UTP6: variants seen among roughly 807,000 people sequenced by gnomAD.
The protein encoded by UTP6 is UTP6 small subunit processome component.
Under a neutral mutation model 96.5 loss-of-function variants are expected in UTP6, and 60 were observed. The observed-to-expected ratio is 0.62, with a 90% CI of 0.51 to 0.77. The LOEUF is 0.77. UTP6 is among the 30% of genes least tolerant of loss of function. The pLI is 0.00. For synonymous variants in UTP6, 215 were observed against 240.1 expected, an observed-to-expected ratio of 0.90 and a Z score of 0.96; for missense variants, 637 against 706.5, an observed-to-expected ratio of 0.90 and a Z score of 1.12.
intron 2 of UTP6, among the ~76,000 whole-genome samples, chr17:31,897,060 G>A (rs1362599127): frequency 6.6e-6 from 1 of 151,770 alleles, no homozygotes; most frequent in African/African-American, 2.4e-5. Context: ...GGCAAGGCAG[G>A]AGGATCACTT....
chr17:31,875,245 GGT>G lies in UTP6; in HGVS notation c.1292_1293del (p.His431ProfsTer18), dbSNP rs868218502. 3.1e-6 allele frequency: 5 copies of G among 1,613,872 alleles called. No homozygotes were observed. Among genetic ancestry groups the G allele is most frequent in the Non-Finnish European group, 3.4e-6 (4 of 1,179,998 alleles). ...TCCAGCTCACTGACCTGGGGTTTCA[GGT>G]GCACAAAGGCTTCTTCAAAAAGCAT... ...IAMLFEEAFVHLKPQVCLPLW... is the reference protein window; with the variant it reads ...IAMLFEEAFVXLKPQVCLPLW... On this transcript the variant is annotated frameshift_variant, in exon 14 of 19. Transcript: ENST00000261708. LOFTEE classifies it high-confidence loss of function.
In UTP6 at chr17:31,880,688, A is replaced by G. The variant is rs1910779024; in HGVS notation, c.852T>C (p.Ile284=). ...WDYVARRELE[I]ESQTEEQPTT... ...TAGGCTGCTCTTCTGTCTGTGACTC[A>G]ATCTCTAATTCTCGCCTTGCCACAT... Residue 284 remains isoleucine, a synonymous_variant, in exon 11 of 19, where the codon ATT becomes ATC. Transcript: ENST00000261708. 2 of 1,614,096 alleles carry G rather than the reference A, an allele frequency of 1.2e-6. No individual in the cohort carries two copies. Among genetic ancestry groups the G allele is most frequent in the East Asian group, 2.2e-5 (1 of 44,870 alleles).
intron 2 of UTP6, among the ~76,000 whole-genome samples, chr17:31,897,743 C>T (rs565771810): frequency 6.6e-6 from 1 of 152,248 alleles, no homozygotes; most frequent in East Asian, 1.9e-4. Context: ...CCACCATGCC[C>T]AACCAAAACT....
At chr17:31,872,151 T>C (rs1001867484) in intron 16 of UTP6, among the ~76,000 whole-genome samples, 3 of 148,900 alleles carry the variant, frequency 2.0e-5, no homozygotes, top group African/African-American at 7.4e-5. Flanking sequence ...GCCGAGACTG[T>C]ACCACTGCAC....
intron 11 of UTP6, 41 bp downstream of exon 11, chr17:31,880,532 A>C (rs767124145): frequency 4.5e-5 from 72 of 1,592,898 alleles, no homozygotes; most frequent in Non-Finnish European, 5.6e-5. Flanking sequence ...AATCAGGGAT[A>C]CTATTCCTTC....
chr17:31,864,604 C>A (rs573701270), intron 18 of UTP6, among the ~76,000 whole-genome samples: 1 of 152,230 alleles, frequency 6.6e-6, no homozygotes, highest in African/African-American at 2.4e-5. Flanking sequence ...GCAAATCTTT[C>A]TCTAATCCAG....
chr17:31,900,226 A>T (rs1904892588), intron 1 of UTP6, among the ~76,000 whole-genome samples: 1 of 152,160 alleles, frequency 6.6e-6, no homozygotes, highest in African/African-American at 2.4e-5. Context: ...CATCTTAATC[A>T]ACTCCCAAAA....
At chr17:31,869,467 C>T (rs1367398793) in intron 16 of UTP6, among the ~76,000 whole-genome samples, 1 of 151,996 alleles carries the variant, frequency 6.6e-6, no homozygotes, top group Non-Finnish European at 1.5e-5. Context: ...GCATGAGCCA[C>T]CACGCCTGGC....
intron 13 of UTP6, among the ~76,000 whole-genome samples, 178 bp from the exon 14 acceptor site, chr17:31,875,591 C>G (rs1384707231): frequency 6.6e-6 from 1 of 151,924 alleles, no homozygotes; most frequent in Non-Finnish European, 1.5e-5. Context: ...TTGGGAGGCC[C>G]AGGCGGGCAC....
chr17:31,881,446 T>C (rs923422364), intron 10 of UTP6, among the ~76,000 whole-genome samples: 74 of 152,130 alleles, frequency 4.9e-4, no homozygotes, highest in African/African-American at 1.6e-3. Flanking sequence ...TTTGTATTTC[T>C]TTGGGAGAGA....
intron 11 of UTP6, 146 bp downstream of exon 11, chr17:31,880,427 A>AT: frequency 3.0e-5 from 12 of 400,826 alleles, no homozygotes; most frequent in East Asian, 8.7e-5. Context: ...CCTCCCAATA[A>AT]AAAAAAAAAA....
chr17:31,877,460 G>C (rs189734958), intron 13 of UTP6, among the ~76,000 whole-genome samples: 41 of 152,220 alleles, frequency 2.7e-4, no homozygotes, highest in Non-Finnish European at 4.4e-4. Flanking sequence ...GAGACAAAAC[G>C]GTTTGATATG....
intron 18 of UTP6, 127 bp from the exon 19 acceptor site, chr17:31,863,643 G>T: frequency 1.2e-6 from 1 of 805,180 alleles, no homozygotes. Flanking sequence ...AGGACGCTTT[G>T]TTTAACAATA....
chr17:31,886,163 T>C, intron 8 of UTP6, 102 bp from the exon 9 acceptor site: 2 of 880,824 alleles, frequency 2.3e-6, no homozygotes, highest in East Asian at 2.5e-5. Context: ...ATATGACCAC[T>C]GGTAAATCAT....
intron 8 of UTP6, among the ~76,000 whole-genome samples, 165 bp downstream of exon 8, chr17:31,887,071 C>A (rs1911187138): frequency 6.6e-6 from 1 of 151,688 alleles, no homozygotes; most frequent in Non-Finnish European, 1.5e-5. Context: ...TGCAGTGAGC[C>A]AAGATGGTGC....
In UTP6 at chr17:31,863,252, C is replaced by G; in HGVS notation, c.*107G>C. 1.7e-6 allele frequency: 2 copies of G among 1,145,048 alleles called. No individual in the cohort carries two copies. Among genetic ancestry groups the G allele is most frequent in the Non-Finnish European group, 1.3e-6 (1 of 799,348 alleles). The allele number at this position is 1,145,048 out of a possible 1,614,324, so 70.9% of individuals were successfully genotyped here. A position where few individuals can be genotyped will look rare whatever the true frequency, so the allele number is the denominator to read the frequency against. On this transcript the variant is annotated 3_prime_UTR_variant, in exon 19 of 19. Transcript: ENST00000261708. ...TAAAGTGTGTCTCAAAACCAGACAG[C>G]CATCTTGTCTGCCATCACTGAGCAA...
chr17:31,878,903 T>G, intron 11 of UTP6, 122 bp from the exon 12 acceptor site: 3 of 860,506 alleles, frequency 3.5e-6, no homozygotes, highest in Non-Finnish European at 5.4e-6. Flanking sequence ...GGGAAAACTC[T>G]CCTCTGAAGA....
At chr17:31,878,046 G>A (rs1384757927) in intron 13 of UTP6, among the ~76,000 whole-genome samples, 6 of 151,348 alleles carry the variant, frequency 4.0e-5, no homozygotes, top group African/African-American at 1.5e-4. Flanking sequence ...GCTTTTCACT[G>A]TATAATACTC....
chr17:31,894,828 G>T, intron 3 of UTP6, 91 bp from the exon 4 acceptor site: 1 of 1,318,976 alleles, frequency 7.6e-7, no homozygotes, highest in Non-Finnish European at 1.1e-6. Flanking sequence ...TACTGATGAA[G>T]CAAACAAATA....
Sources: allele counts gnomAD v4.1 joint callset (sites outside exome capture counted in the v4.1 genomes callset), GRCh38; gene constraint gnomAD v4.1.1; transcripts MANE v1.5; gene names NCBI Gene and HGNC (gene_info 2026-07-23, HGNC 2026-07-21).